RFTN1: variants seen among roughly 807,000 people sequenced by gnomAD.
RFTN1 encodes raftlin, lipid raft linker 1.
A neutral mutation model predicts 46.5 loss-of-function variants in RFTN1; 26 were observed. The observed-to-expected ratio is 0.56, with a 90% CI of 0.41 to 0.78. The LOEUF (loss-of-function observed/expected upper bound fraction) is 0.78, where lower values mean the gene tolerates loss of function less well. Among genes scored for constraint, RFTN1 ranks in the 30% least tolerant of loss-of-function variants. The pLI is 0.00. For synonymous variants in RFTN1, 261 were observed against 284.2 expected, an observed-to-expected ratio of 0.92 and a Z score of 0.82; for missense variants, 693 against 718.7, an observed-to-expected ratio of 0.96 and a Z score of 0.41.
chr3:16,511,989 A>C (rs1356992294), intron 1 of RFTN1, among the ~76,000 whole-genome samples: 2 of 152,126 alleles, frequency 1.3e-5, no homozygotes, highest in African/African-American at 4.8e-5. Flanking sequence ...TGAATCACTC[A>C]GGCGGGCCAG....
At chr3:16,490,663 TAGTC>T (rs1406302485) in intron 2 of RFTN1, among the ~76,000 whole-genome samples, 2 of 152,332 alleles carry the variant, frequency 1.3e-5, no homozygotes, top group African/African-American at 2.4e-5. Context: ...CCTGAGGAAA[TAGTC>T]AGAAATGTGT....
chr3:16,382,263 A>G lies in RFTN1; in HGVS notation c.442-4161T>C, dbSNP rs2074017439. Among the ~76,000 whole-genome samples, 3 of 152,204 alleles carry G rather than the reference A, an allele frequency of 2.0e-5. No individual in the cohort carries two copies. The highest frequency in any genetic ancestry group is 7.2e-5 in the African/African-American group (3 of 41,456). On this transcript the variant is annotated intron_variant, in intron 4 of 9. Coordinates refer to ENST00000334133, the MANE Select transcript of RFTN1 (RefSeq NM_015150.2). This position sits in a 1 kb window ranked among gnomAD's most constrained non-coding sequence, Gnocchi z 4.7. ...TAGTCCTTTTTAACTAGACGACCAC[A>G]TTTAGATTTTATGAAGATCAATATT...
At chr3:16,369,446 CT>C (rs368900818) in intron 6 of RFTN1, among the ~76,000 whole-genome samples, 308 of 152,376 alleles carry the variant, frequency 2.0e-3, no homozygotes, top group African/African-American at 7.3e-3. Context: ...CTCAACTTGC[CT>C]TCTCGTTAAC....
intron 2 of RFTN1, among the ~76,000 whole-genome samples, chr3:16,436,470 A>G (rs2075518722): frequency 6.6e-6 from 1 of 152,104 alleles, no homozygotes; most frequent in South Asian, 2.1e-4. Flanking sequence ...GATTCCATGA[A>G]AAACTTTTTA....
intron 2 of RFTN1, among the ~76,000 whole-genome samples, chr3:16,435,414 T>TA (rs202058191): frequency 0.095 from 14,471 of 152,022 alleles, 760 homozygotes; most frequent in Middle Eastern, 0.13. Flanking sequence ...GCTAAAAATA[T>TA]AAAAAATTAG....
chr3:16,378,230 T>C, intron 4 of RFTN1, 128 bp from the exon 5 acceptor site: 2 of 732,256 alleles, frequency 2.7e-6, no homozygotes, highest in Non-Finnish European at 4.6e-6. Flanking sequence ...AATTCCAAGC[T>C]GACAGGAACT....
At chr3:16,503,439 T>C (rs2076747846) in intron 1 of RFTN1, among the ~76,000 whole-genome samples, 1 of 152,198 alleles carries the variant, frequency 6.6e-6, no homozygotes, top group Admixed American at 6.5e-5. Flanking sequence ...TTAAAAGCCC[T>C]GATGCTCAGG....
rs1239547996 is a variant in RFTN1, at chr3:16,380,536, A to G, written c.442-2434T>C. On this transcript the variant is annotated intron_variant, in intron 4 of 9. Transcript: ENST00000334133. This position sits in a 1 kb window ranked among gnomAD's most constrained non-coding sequence, Gnocchi z 4.8. ...AACCAGACAACCATATTCCTTTGCCATCTTGTACTGCAAATTTATCCTCTA... is the reference window on the plus strand; with the variant it reads ...AACCAGACAACCATATTCCTTTGCCGTCTTGTACTGCAAATTTATCCTCTA... 6.6e-6 allele frequency among the ~76,000 whole-genome samples: 1 copy of G among 152,178 alleles called. No individual in the cohort carries two copies. The highest frequency in any genetic ancestry group is 1.5e-5 in the Non-Finnish European group (1 of 68,024).
chr3:16,510,793 A>C (rs1047839903), intron 1 of RFTN1, among the ~76,000 whole-genome samples: 1 of 152,228 alleles, frequency 6.6e-6, no homozygotes, highest in African/African-American at 2.4e-5. Context: ...GAGAAATGAG[A>C]ACACATGTCC....
chr3:16,501,443 G>A (rs893728355), intron 1 of RFTN1, among the ~76,000 whole-genome samples: 2 of 152,046 alleles, frequency 1.3e-5, no homozygotes, highest in Non-Finnish European at 2.9e-5. Context: ...TTAAATAATG[G>A]GGGCAATAAA....
At chr3:16,331,594 G>T (rs1467903790) in intron 7 of RFTN1, among the ~76,000 whole-genome samples, 1 of 151,812 alleles carries the variant, frequency 6.6e-6, no homozygotes, top group African/African-American at 2.4e-5. Flanking sequence ...CCCACATGTT[G>T]CAATACCCCT....
chr3:16,494,782 C>T (rs954807575), intron 1 of RFTN1, among the ~76,000 whole-genome samples: 3 of 152,186 alleles, frequency 2.0e-5, no homozygotes, highest in Non-Finnish European at 2.9e-5. Flanking sequence ...GATTTTGCTT[C>T]TGTGTACTAA....
intron 7 of RFTN1, among the ~76,000 whole-genome samples, chr3:16,333,072 C>T (rs1046711554): frequency 2.6e-5 from 4 of 152,220 alleles, no homozygotes; most frequent in African/African-American, 9.6e-5. Context: ...AGCACTATAA[C>T]TCATGCCTGA....
In RFTN1 at chr3:16,342,313, G is replaced by A. The variant is rs1033579693; in HGVS notation, c.1147-15437C>T. ...ATATAATATGTGGTCTTTTGCAACT[G>A]GCTTCTTTCACTTTAGCATATGTTC... On this transcript the variant is annotated intron_variant, in intron 7 of 9. Coordinates refer to ENST00000334133, the MANE Select transcript of RFTN1 (RefSeq NM_015150.2). The surrounding 1 kb of genome is among the most constrained non-coding windows in gnomAD (Gnocchi z 4.0). Among the ~76,000 whole-genome samples, 1 of 152,074 alleles carries A rather than the reference G, an allele frequency of 6.6e-6. No individual in the cohort carries two copies. Among genetic ancestry groups the A allele is most frequent in the Non-Finnish European group, 1.5e-5 (1 of 68,012 alleles).
Position 16,459,519 on chromosome 3 carries a change from G to C in RFTN1, c.146-25482C>G, listed in dbSNP as rs1478126999. 3.3e-5 allele frequency among the ~76,000 whole-genome samples: 5 copies of C among 152,162 alleles called. No homozygotes were observed. Among genetic ancestry groups the C allele is most frequent in the Non-Finnish European group, 7.3e-5 (5 of 68,030 alleles). On this transcript the variant is annotated intron_variant, in intron 2 of 9. Coordinates refer to ENST00000334133, the MANE Select transcript of RFTN1 (RefSeq NM_015150.2). The surrounding 1 kb of genome is among the most constrained non-coding windows in gnomAD (Gnocchi z 4.2). ...TAAGGTGGGGCACTGCTTAAGCTCA[G>C]GAGTTCAAGGCTACAGTGAGCTGTG...
chr3:16,482,964 G>T, intron 2 of RFTN1: 1 of 688,956 alleles, frequency 1.5e-6, no homozygotes, highest in South Asian at 1.9e-5. Flanking sequence ...AGTATCAAGG[G>T]CTGCTTAGAG....
intron 2 of RFTN1, among the ~76,000 whole-genome samples, chr3:16,491,989 T>C (rs2076545621): frequency 6.6e-6 from 1 of 152,132 alleles, no homozygotes; most frequent in African/African-American, 2.4e-5. Context: ...GACCAAATGC[T>C]CCAAATAATT....
intron 6 of RFTN1, among the ~76,000 whole-genome samples, chr3:16,368,501 C>T (rs1387821136): frequency 2.0e-5 from 3 of 152,200 alleles, no homozygotes. Context: ...GAAACCCCAT[C>T]TCTACTAAAA....
chr3:16,408,242 G>A (rs779010154), intron 4 of RFTN1, among the ~76,000 whole-genome samples: 27 of 152,068 alleles, frequency 1.8e-4, no homozygotes, highest in Admixed American at 6.6e-4. Flanking sequence ...AAGACACCCC[G>A]TCATCCTTCC....
Sources: gnomAD v4.1 joint callset for allele counts (sites outside exome capture counted in the v4.1 genomes callset) on GRCh38, gnomAD v4.1.1 for gene constraint, Gnocchi (gnomAD v3.1) non-coding constraint, MANE v1.5 for transcripts, NCBI Gene and HGNC (gene_info 2026-07-23, HGNC 2026-07-21) for gene names.